The following SSH2 variants were observed in gnomAD, a reference collection of about 807,000 sequenced individuals.
SSH2 encodes the protein protein phosphatase Slingshot homolog 2.
In SSH2, 37 loss-of-function variants were observed where a neutral mutation model predicts 135.2. That is an observed-to-expected ratio of 0.27 (90% confidence interval 0.21 to 0.36). The LOEUF (loss-of-function observed/expected upper bound fraction) is 0.36, where lower values mean the gene tolerates loss of function less well. Ranked by LOEUF, SSH2 falls within the 10% of genes least tolerant of loss-of-function variation. SSH2 has a pLI of 1.00. For synonymous variants in SSH2, 628 were observed against 646.2 expected, an observed-to-expected ratio of 0.97 and a Z score of 0.43; for missense variants, 1,408 against 1,765.3, an observed-to-expected ratio of 0.80 and a Z score of 3.63.
chr17:29,811,855 A>T (rs2042448471), intron 2 of SSH2, among the ~76,000 whole-genome samples: 1 of 152,174 alleles, frequency 6.6e-6, no homozygotes, highest in African/African-American at 2.4e-5. Flanking sequence ...TGAACCAAAT[A>T]ATTTAATGCA....
intron 3 of SSH2, among the ~76,000 whole-genome samples, chr17:29,725,471 T>C (rs1009834397): frequency 6.6e-6 from 1 of 151,956 alleles, no homozygotes; most frequent in African/African-American, 2.4e-5. Flanking sequence ...CAGCTACATT[T>C]ACAATAGCAA....
intron 3 of SSH2, among the ~76,000 whole-genome samples, chr17:29,722,399 G>C (rs747509243): frequency 6.6e-5 from 10 of 152,026 alleles, no homozygotes; most frequent in Admixed American, 1.3e-4. Flanking sequence ...TAGAGTACTT[G>C]GGTTTCAAAA....
chr17:29,876,780 G>C (rs2066040750), intron 1 of SSH2, among the ~76,000 whole-genome samples: 1 of 151,904 alleles, frequency 6.6e-6, no homozygotes, highest in African/African-American at 2.4e-5. Context: ...AGAAAACATT[G>C]GGAGAACTCT....
At chr17:29,702,295 A>T (rs1162411685) in intron 4 of SSH2, among the ~76,000 whole-genome samples, 1 of 141,936 alleles carries the variant, frequency 7.0e-6, no homozygotes, top group African/African-American at 2.6e-5. Flanking sequence ...GGAGGTTGCA[A>T]TGAGCTGAGA....
At chr17:29,654,026 A>G (rs967370276) in intron 12 of SSH2, among the ~76,000 whole-genome samples, 5 of 152,216 alleles carry the variant, frequency 3.3e-5, no homozygotes, top group African/African-American at 1.2e-4. Context: ...TGGGGTCCTT[A>G]TGCTTCAGGG....
chr17:29,859,833 G>T (rs765995828), intron 1 of SSH2, among the ~76,000 whole-genome samples: 24 of 151,926 alleles, frequency 1.6e-4, no homozygotes, highest in Non-Finnish European at 1.3e-4. Context: ...TGGGTCGAAT[G>T]GTAGCTCTGT....
At chr17:29,836,622 G>C (rs1019909047) in intron 2 of SSH2, among the ~76,000 whole-genome samples, 1 of 152,184 alleles carries the variant, frequency 6.6e-6, no homozygotes, top group Non-Finnish European at 1.5e-5. Context: ...CAGGCACATG[G>C]TAGTGCTCAA....
chr17:29,743,607 C>T (rs2040643850), intron 3 of SSH2, among the ~76,000 whole-genome samples: 1 of 152,066 alleles, frequency 6.6e-6, no homozygotes, highest in South Asian at 2.1e-4. Context: ...GGTGAATAAG[C>T]CCCGGCACAC....
At chr17:29,777,903 T>C (rs1226505963) in intron 3 of SSH2, among the ~76,000 whole-genome samples, 1 of 151,744 alleles carries the variant, frequency 6.6e-6, no homozygotes, top group African/African-American at 2.4e-5. Flanking sequence ...GGCCAGCAGA[T>C]GGGAACAGTA....
chr17:29,700,197 T>C (rs2038920241), intron 4 of SSH2, among the ~76,000 whole-genome samples: 1 of 152,162 alleles, frequency 6.6e-6, no homozygotes, highest in Non-Finnish European at 1.5e-5. Flanking sequence ...GTAATTACAA[T>C]TTTTTTCACT....
intron 15 of SSH2, 121 bp from the exon 16 acceptor site, chr17:29,633,052 T>C (rs1033893021): frequency 7.9e-6 from 7 of 890,694 alleles, no homozygotes; most frequent in East Asian, 2.6e-5. Context: ...ATACAAATCA[T>C]GGAGTGCCTG....
rs368199827 is a variant in SSH2 at position 29,861,020 on chromosome 17, C to CA, written c.64-12092dup. Among the ~76,000 whole-genome samples, 237 of 152,276 alleles carry CA rather than the reference C, an allele frequency of 1.6e-3. 1 individual carries two copies. The highest frequency in any genetic ancestry group is 5.4e-3 in the African/African-American group (225 of 41,552). ...TCAGCCTCCCAAAGTACTGGGATTA[C>CA]AGGTGTGAGCCACCGTGTCCAGCCC... On this transcript the variant is annotated intron_variant, in intron 1 of 15. Transcript: ENST00000540801.
At chr17:29,744,382 G>A (rs566123150) in intron 3 of SSH2, among the ~76,000 whole-genome samples, 3 of 152,248 alleles carry the variant, frequency 2.0e-5, no homozygotes, top group Non-Finnish European at 2.9e-5. Context: ...TGGTCCCGGC[G>A]TGTATTAGGG....
chr17:29,791,809 A>G (rs1344880398), intron 3 of SSH2, among the ~76,000 whole-genome samples: 1 of 152,166 alleles, frequency 6.6e-6, no homozygotes, highest in East Asian at 1.9e-4. Flanking sequence ...TATTTTTATA[A>G]GTAATCCTCT....
At chr17:29,750,888 A>G (rs1332566738) in intron 3 of SSH2, among the ~76,000 whole-genome samples, 1 of 147,778 alleles carries the variant, frequency 6.8e-6, no homozygotes, top group African/African-American at 2.5e-5. Flanking sequence ...ATTTTTTTTT[A>G]CTCTTGAAAC....
chr17:29,866,171 A>G (rs2065852157), intron 1 of SSH2: 1 of 152,148 alleles, frequency 6.6e-6, no homozygotes, highest in African/African-American at 2.4e-5. Flanking sequence ...AGAATTTGAA[A>G]CCAGTTTAGA....
intron 5 of SSH2, among the ~76,000 whole-genome samples, chr17:29,685,973 C>T (rs1291768497): frequency 6.6e-6 from 1 of 150,418 alleles, no homozygotes; most frequent in African/African-American, 2.4e-5. Context: ...CTCAGCCTCC[C>T]GAGCAGCTGG....
chr17:29,836,202 T>A (rs563108672), intron 2 of SSH2, among the ~76,000 whole-genome samples: 2 of 152,198 alleles, frequency 1.3e-5, no homozygotes, highest in African/African-American at 4.8e-5. Context: ...TTGAACTTTA[T>A]CACTTAATAG....
At chr17:29,764,351 G>A (rs2041396428) in intron 3 of SSH2, among the ~76,000 whole-genome samples, 1 of 152,226 alleles carries the variant, frequency 6.6e-6, no homozygotes, top group Non-Finnish European at 1.5e-5. Context: ...TAAAAGTTGA[G>A]CAAATTCCTT....
Sources: gnomAD v4.1 joint callset for allele counts (sites outside exome capture counted in the v4.1 genomes callset) on GRCh38, gnomAD v4.1.1 for gene constraint, MANE v1.5 for transcripts, NCBI Gene and HGNC (gene_info 2026-07-23, HGNC 2026-07-21) for gene names.